Variants in PDE10A observed in about 807,000 individuals in gnomAD.
PDE10A encodes phosphodiesterase 10A.
In PDE10A, 39 loss-of-function variants were observed where a neutral mutation model predicts 97.7. The ratio of observed to expected loss-of-function variants is 0.40; its 90% CI spans 0.31 to 0.52. The LOEUF (loss-of-function observed/expected upper bound fraction) is 0.52. Ranked by LOEUF, PDE10A falls within the 20% of genes least tolerant of loss-of-function variation. The probability of loss-of-function intolerance (pLI) is 0.56; values close to 1 mark genes in which losing one functional copy is unlikely to be tolerated. For synonymous variants in PDE10A, 371 were observed against 376.8 expected (o/e 0.98, Z 0.18); for missense variants, 731 against 1,047.8 (o/e 0.70, Z 4.17).
chr6:165,826,287 T>C, intron 1 of PDE10A, among the ~76,000 whole-genome samples: 1 of 91,798 alleles, frequency 1.1e-5, no homozygotes, highest in East Asian at 3.6e-4. Flanking sequence ...GATGTCCCTC[T>C]GTCCCCATGT....
intron 1 of PDE10A, among the ~76,000 whole-genome samples, chr6:165,563,883 T>C (rs894412072): frequency 1.2e-4 from 18 of 146,050 alleles, no homozygotes; most frequent in African/African-American, 4.7e-4. Flanking sequence ...AGAGGGAGAC[T>C]GTCTCAAAAA....
At position 165,825,148 on chromosome 6, in the gene PDE10A, A is replaced by G. The variant is rs539691729; in HGVS notation, c.-615+162381T>C. Among the ~76,000 whole-genome samples, 461 of 102,050 alleles carry G rather than the reference A, an allele frequency of 4.5e-3. 2 individuals carry two copies. Among genetic ancestry groups the G allele is most frequent in the African/African-American group, 0.015 (449 of 29,758 alleles). 66.9% of individuals were successfully genotyped at this position (102,050 alleles called of 152,430 possible). ...GGGCAACAGAAAGACTCCATCTCAA[A>G]AAAAAAAAAAAAAAGAAAAAGAAAA... On this transcript the variant is annotated intron_variant, in intron 1 of 19. Coordinates refer to the PDE10A transcript ENST00000366882.
In PDE10A at chr6:165,334,382, G is replaced by A. The variant is rs58584671; in HGVS notation, c.3066-1255C>T. ...ACGCGCCTCCATAGCGCCCTACAGC[G>A]CCGGGCACGCGCCTCCATAGCGCCC... On this transcript the variant is annotated intron_variant, in intron 21 of 21. Transcript: ENST00000539869. 2.8e-3 allele frequency among the ~76,000 whole-genome samples: 425 copies of A among 150,040 alleles called. 3 individuals are homozygous for A. Among genetic ancestry groups the A allele is most frequent in the African/African-American group, 9.7e-3 (393 of 40,646 alleles).
chr6:165,610,716 G>A (rs1424053258), intron 1 of PDE10A, among the ~76,000 whole-genome samples: 7 of 152,246 alleles, frequency 4.6e-5, no homozygotes, highest in African/African-American at 9.6e-5. Flanking sequence ...GACATCTCTC[G>A]TCTCCTTTAA....
upstream of PDE10A, among the ~76,000 whole-genome samples, chr6:165,667,794 T>C (rs150352003): frequency 6.1e-3 from 925 of 152,328 alleles, 6 homozygotes; most frequent in African/African-American, 0.021. Context: ...GCCATGAAGA[T>C]ACTGGTGTTA....
intron 19 of PDE10A, among the ~76,000 whole-genome samples, chr6:165,340,626 A>T (rs1441461461): frequency 3.3e-5 from 5 of 152,232 alleles, no homozygotes; most frequent in Non-Finnish European, 5.9e-5. Flanking sequence ...TTGAATATGT[A>T]CTCGAAACAA....
chr6:165,501,043 C>T (rs2128294642), intron 2 of PDE10A, among the ~76,000 whole-genome samples: 1 of 152,250 alleles, frequency 6.6e-6, no homozygotes, highest in East Asian at 1.9e-4. Context: ...ATCCCCCTCT[C>T]CGAGATGGTA....
chr6:165,481,002 G>A (rs1028925946), intron 3 of PDE10A, among the ~76,000 whole-genome samples: 1 of 152,144 alleles, frequency 6.6e-6, no homozygotes, highest in Non-Finnish European at 1.5e-5. Context: ...ATGAATAATA[G>A]CGAAGAAAAA....
intron 1 of PDE10A, among the ~76,000 whole-genome samples, chr6:165,734,237 G>A (rs1562709852): frequency 6.6e-6 from 1 of 152,144 alleles, no homozygotes; most frequent in Non-Finnish European, 1.5e-5. Context: ...TTCATAGTGT[G>A]AGAACCCACA....
At chr6:165,975,284 C>A (rs1263028850) in intron 1 of PDE10A, among the ~76,000 whole-genome samples, 1 of 152,174 alleles carries the variant, frequency 6.6e-6, no homozygotes, top group Non-Finnish European at 1.5e-5. Context: ...TTTTGATTCA[C>A]CCTAACTCAA....
intron 13 of PDE10A, 38 bp downstream of exon 13, chr6:165,413,463 T>C: frequency 7.2e-7 from 1 of 1,388,858 alleles, no homozygotes; most frequent in Non-Finnish European, 1.0e-6. Flanking sequence ...AAATTAATAT[T>C]GAGTAGTAAA....
chr6:165,637,049 TTTAA>T (rs1315191140), intron 1 of PDE10A, among the ~76,000 whole-genome samples: 1 of 152,184 alleles, frequency 6.6e-6, no homozygotes, highest in Non-Finnish European at 1.5e-5. Context: ...ACACCTATTA[TTTAA>T]TTAATTTAAC....
chr6:165,343,744 A>G (rs933424809), intron 18 of PDE10A, among the ~76,000 whole-genome samples: 2 of 152,226 alleles, frequency 1.3e-5, no homozygotes, highest in African/African-American at 2.4e-5. Flanking sequence ...TGTTGCCTCA[A>G]TGCTACTGAA....
At chr6:165,343,776 T>C (rs748274516) in intron 18 of PDE10A, among the ~76,000 whole-genome samples, 1 of 152,218 alleles carries the variant, frequency 6.6e-6, no homozygotes, top group Non-Finnish European at 1.5e-5. Flanking sequence ...TAATGTAGGC[T>C]CTGACTAGGC....
chr6:165,891,950 CTT>C (rs67794234), intron 1 of PDE10A, among the ~76,000 whole-genome samples: 4 of 60,516 alleles, frequency 6.6e-5, no homozygotes, highest in Non-Finnish European at 9.5e-5. Flanking sequence ...ACACCTTGGA[CTT>C]TTTTTTTTTT....
At chr6:165,906,736 A>G (rs1782296523) in intron 1 of PDE10A, among the ~76,000 whole-genome samples, 1 of 152,220 alleles carries the variant, frequency 6.6e-6, no homozygotes, top group African/African-American at 2.4e-5. Context: ...CTTAGGGAAG[A>G]GAACACTTAA....
At chr6:165,359,605 CAT>C (rs1783254070) in intron 18 of PDE10A, among the ~76,000 whole-genome samples, 1 of 152,076 alleles carries the variant, frequency 6.6e-6, no homozygotes. Flanking sequence ...ACACCTTGAA[CAT>C]ATTTAGAGTC....
chr6:165,453,368 T>C (rs890799630), intron 3 of PDE10A, among the ~76,000 whole-genome samples: 14 of 152,314 alleles, frequency 9.2e-5, no homozygotes, highest in African/African-American at 3.4e-4. Context: ...GACCATTTTC[T>C]AAAAACCTAA....
At position 165,418,709 on chromosome 6, in the gene PDE10A, C is replaced by T. The variant is rs1396108701; in HGVS notation, c.1722G>A (p.Glu574=). 1 of 1,613,786 alleles carries T rather than the reference C, an allele frequency of 6.2e-7. No individual in the cohort carries two copies. Among genetic ancestry groups the T allele is most frequent in the Non-Finnish European group, 8.5e-7 (1 of 1,179,798 alleles). ...CAATATCAAAAAGGTCTGAATATAA[C>T]TCCTTGTTCTTATGGTCCACCTGGA... ...ALFQVDHKNK[E]LYSDLFDIGE... is the part of the protein sequence containing the mutation. The change falls in exon 11 of 22, where the codon GAG becomes GAA. Residue 574 remains glutamate (E), a synonymous_variant. Transcript: ENST00000539869. This position sits in a 1 kb window ranked among gnomAD's most constrained non-coding sequence, Gnocchi z 4.8.
Sources: allele counts gnomAD v4.1 joint callset (sites outside exome capture counted in the v4.1 genomes callset), GRCh38; gene constraint gnomAD v4.1.1; non-coding constraint Gnocchi (gnomAD v3.1); transcripts MANE v1.5; gene names NCBI Gene and HGNC (gene_info 2026-07-23, HGNC 2026-07-21).